XRRA1: variants seen among roughly 807,000 people sequenced by gnomAD.
The protein encoded by XRRA1 is X-ray radiation resistance associated 1, also known as X-ray radiation resistance-associated protein 1.
In XRRA1, 69 loss-of-function variants were observed where a neutral mutation model predicts 80.2. The observed-to-expected ratio is 0.86, with a 90% CI of 0.71 to 1.05. The LOEUF is 1.05. Ranked by LOEUF, XRRA1 falls within the 50% of genes least tolerant of loss-of-function variation. The pLI, the probability that XRRA1 is intolerant of heterozygous loss-of-function variation, is 0.00. For missense variants in XRRA1, 967 were observed against 976.4 expected (o/e 0.99, Z 0.13); for synonymous variants, 348 against 389.9 (o/e 0.89, Z 1.27).
At chr11:74,843,474 A>G (rs2036967540) in intron 18 of XRRA1, 21 bp from the exon 19 acceptor site, 2 of 1,604,000 alleles carry the variant, frequency 1.2e-6, no homozygotes, top group Non-Finnish European at 1.7e-6. Flanking sequence ...AGAAGCCAGG[A>G]GAGGCACCAA....
At chr11:74,946,754 C>CTT (rs199664037) in intron 1 of XRRA1, among the ~76,000 whole-genome samples, 21 of 141,598 alleles carry the variant, frequency 1.5e-4, no homozygotes, top group Admixed American at 2.1e-4. Flanking sequence ...ACCTCTTTTT[C>CTT]TTTTTTTTTT....
chr11:74,882,079 C>T (rs571211374), intron 10 of XRRA1, among the ~76,000 whole-genome samples: 2 of 150,380 alleles, frequency 1.3e-5, no homozygotes, highest in African/African-American at 4.9e-5. Flanking sequence ...GGGAAGTTCT[C>T]CTGGATAATA....
At chr11:74,902,672 G>A (rs2053785040) in intron 10 of XRRA1, among the ~76,000 whole-genome samples, 1 of 152,050 alleles carries the variant, frequency 6.6e-6, no homozygotes, top group African/African-American at 2.4e-5. Flanking sequence ...GGCACAGAAG[G>A]ACAAAAATTG....
At chr11:74,852,782 C>G (rs12281079) in intron 12 of XRRA1, among the ~76,000 whole-genome samples, 1,767 of 152,298 alleles carry the variant, frequency 0.012, 47 homozygotes, top group African/African-American at 0.04. Flanking sequence ...GCTGGACCAT[C>G]TTGGCGAGAG....
At chr11:74,907,021 C>CTA in intron 9 of XRRA1, 124 bp downstream of exon 9, 1 of 1,339,094 alleles carries the variant, frequency 7.5e-7, no homozygotes, top group East Asian at 2.3e-5. Context: ...CATGGCCACA[C>CTA]AGTAGAGATA....
intron 10 of XRRA1, among the ~76,000 whole-genome samples, chr11:74,873,996 G>C (rs751636226): frequency 2.0e-5 from 3 of 151,970 alleles, no homozygotes; most frequent in Non-Finnish European, 4.4e-5. Context: ...CCAGCACTTT[G>C]GGAGGCCGAG....
Position 74,865,409 on chromosome 11 carries a change from C to T in XRRA1, c.1004-2388G>A, listed in dbSNP as rs184095237. On this transcript the variant is annotated intron_variant, in intron 10 of 18. Transcript: ENST00000684022. ...ACAGGGCTCTCTAGCCTCTGTTCCACAGCAGATCCCAAGGGGGCCTATGGT... is the reference window on the plus strand; with the variant it reads ...ACAGGGCTCTCTAGCCTCTGTTCCATAGCAGATCCCAAGGGGGCCTATGGT... Among the ~76,000 whole-genome samples, 421 of 152,344 alleles carry T rather than the reference C, an allele frequency of 2.8e-3. 2 individuals are homozygous for T. The highest frequency in any genetic ancestry group is 9.9e-3 in the African/African-American group (411 of 41,582).
At chr11:74,861,070 G>T (rs1026634488) in intron 11 of XRRA1, among the ~76,000 whole-genome samples, 1 of 152,222 alleles carries the variant, frequency 6.6e-6, no homozygotes, top group Non-Finnish European at 1.5e-5. Flanking sequence ...TGAGGTGTGG[G>T]TGAGCTTCCT....
At chr11:74,872,890 T>C (rs575357768) in intron 10 of XRRA1, among the ~76,000 whole-genome samples, 1 of 152,324 alleles carries the variant, frequency 6.6e-6, no homozygotes, top group African/African-American at 2.4e-5. Context: ...ATGATGGGCA[T>C]CTCAGGTAAA....
At chr11:74,933,663 A>C in intron 5 of XRRA1, 138 bp downstream of exon 5, 1 of 674,824 alleles carries the variant, frequency 1.5e-6, no homozygotes. Context: ...TCCTTGTCTG[A>C]CTCTCCTCTC....
intron 10 of XRRA1, among the ~76,000 whole-genome samples, chr11:74,892,316 A>G (rs1246876547): frequency 6.6e-6 from 1 of 152,240 alleles, no homozygotes; most frequent in Non-Finnish European, 1.5e-5. Flanking sequence ...ATGATTCCCT[A>G]TTTAATAAGT....
At chr11:74,906,993 G>T in intron 9 of XRRA1, 152 bp downstream of exon 9, 1 of 1,011,786 alleles carries the variant, frequency 9.9e-7, no homozygotes, top group East Asian at 2.4e-5. Context: ...AAAGCTCAGA[G>T]GGGAGAAATG....
intron 10 of XRRA1, among the ~76,000 whole-genome samples, chr11:74,868,900 G>T (rs889414635): frequency 1.3e-5 from 2 of 152,072 alleles, no homozygotes; most frequent in African/African-American, 4.8e-5. Context: ...TACGATAATT[G>T]TGCAGGACAT....
At chr11:74,877,813 T>G (rs1224813242) in intron 10 of XRRA1, among the ~76,000 whole-genome samples, 1 of 152,138 alleles carries the variant, frequency 6.6e-6, no homozygotes, top group African/African-American at 2.4e-5. Context: ...TATGGCTGCA[T>G]AGTATTCTAT....
chr11:74,906,531 G>GA (rs2054639715), intron 9 of XRRA1, 75 bp from the exon 10 acceptor site: 4 of 1,498,000 alleles, frequency 2.7e-6, no homozygotes, highest in East Asian at 4.7e-5. Flanking sequence ...CAACTTTAGG[G>GA]AAAAAACATG....
intron 10 of XRRA1, among the ~76,000 whole-genome samples, chr11:74,878,410 G>C (rs2136513836): frequency 6.6e-6 from 1 of 151,844 alleles, no homozygotes; most frequent in East Asian, 1.9e-4. Context: ...CCATTTTGTA[G>C]GTTGCCTGTT....
chr11:74,906,442 C>T lies in XRRA1; in HGVS notation c.800G>A (p.Ser267Asn). 1 of 1,613,870 alleles carries T rather than the reference C, an allele frequency of 6.2e-7. No individual in the cohort carries two copies. Among genetic ancestry groups the T allele is most frequent in the African/African-American group, 1.3e-5 (1 of 75,012 alleles). Residue 267 changes from serine to asparagine, a missense_variant, in exon 10 of 19, where the codon AGC (serine) becomes AAC (asparagine). Transcript: ENST00000684022. ...LAGLRRLKKLSLDENRIIRIP... is the reference protein window; with the variant it reads ...LAGLRRLKKLNLDENRIIRIP... ...CCTGATAATCCTGTTTTCATCCAAG[C>T]TTAACTTCTTCAGTCTTCAATTAAG... is the stretch of plus-strand genomic sequence containing the variant.
At position 74,843,815 on chromosome 11, in the gene XRRA1, A is replaced by G. The variant is rs75480027; in HGVS notation, c.2149+39T>C. On this transcript the variant is annotated intron_variant, in intron 18 of 18. Transcript: ENST00000684022. ...CTTTGCCTTTAGCCAGCAGGCGTGA[A>G]CTGGATCTGGGATCCTGGCAGCTGT... 6.1e-4 allele frequency: 955 copies of G among 1,559,048 alleles called. 1 individual carries two copies. Among genetic ancestry groups the G allele is most frequent in the Non-Finnish European group, 7.6e-4 (873 of 1,142,894 alleles).
chr11:74,936,340 T>A (rs544779092), intron 4 of XRRA1, among the ~76,000 whole-genome samples: 1 of 152,238 alleles, frequency 6.6e-6, no homozygotes, highest in East Asian at 1.9e-4. Context: ...GACACTAAAG[T>A]CAAAGGACAA....
Sources: gnomAD v4.1 joint callset for allele counts (sites outside exome capture counted in the v4.1 genomes callset) on GRCh38, gnomAD v4.1.1 for gene constraint, MANE v1.5 for transcripts, NCBI Gene and HGNC (gene_info 2026-07-23, HGNC 2026-07-21) for gene names.